Variants in MYH10 observed in about 807,000 individuals in gnomAD.
The protein encoded by MYH10 is myosin-10.
MYH10 carries 55 observed loss-of-function variants against 257.8 expected under a neutral mutation model. The ratio of observed to expected loss-of-function variants is 0.21; its 90% CI spans 0.17 to 0.27. The LOEUF is 0.27. MYH10 is among the 10% of genes least tolerant of loss of function. MYH10 has a pLI of 1.00. For synonymous variants in MYH10, 854 were observed against 921.7 expected (o/e 0.93, Z 1.33); for missense variants, 1,631 against 2,500.6 (o/e 0.65, Z 7.42).
chr17:8,564,895 A>ATATGGT (rs1184257123), intron 7 of MYH10, among the ~76,000 whole-genome samples: 2 of 152,190 alleles, frequency 1.3e-5, no homozygotes, highest in Non-Finnish European at 2.9e-5. Context: ...ATATCCTCAG[A>ATATGGT]TATGGTTTTA....
rs181305208 is a variant in MYH10 at position 8,586,226 on chromosome 17, T to C, written c.530+2855A>G. Among the ~76,000 whole-genome samples, 523 of 152,338 alleles carry C rather than the reference T, an allele frequency of 3.4e-3. 6 individuals are homozygous for C. The highest frequency in any genetic ancestry group is 0.011 in the African/African-American group (458 of 41,568). On this transcript the variant is annotated intron_variant, in intron 4 of 42. Transcript: ENST00000360416. ...CAGGACCCTTTTGTCAGGGAGAGGA[T>C]ATATGCCTTTTATTTCTATAATTCC...
chr17:8,524,444 T>G, intron 17 of MYH10, among the ~76,000 whole-genome samples: 1 of 94,662 alleles, frequency 1.1e-5, no homozygotes, highest in African/African-American at 4.5e-5. Context: ...AGCGAGACTC[T>G]GTCTCAAAAA....
intron 7 of MYH10, among the ~76,000 whole-genome samples, chr17:8,559,106 T>C (rs1329661811): frequency 6.6e-6 from 1 of 152,198 alleles, no homozygotes; most frequent in Admixed American, 6.5e-5. Context: ...ATATATATAA[T>C]TCTTAAGTTT....
chr17:8,577,297 A>C lies in MYH10; in HGVS notation c.572T>G (p.Val191Gly), dbSNP rs1240710504. Residue 191 changes from valine to glycine, a missense_variant, in exon 5 of 43, where the codon GTT becomes GGT. By Grantham distance (109) the Val-to-Gly change is moderately radical. Transcript: ENST00000360416. ...GAGKTENTKK[V>G]IQYLAHVASS... ...AGCAACATGGGCAAGGTACTGAATA[A>C]CTTTCTTTGTATTTTCTGTCTTCCC... 2 of 1,611,848 alleles carry C rather than the reference A, an allele frequency of 1.2e-6. No individual in the cohort carries two copies. The highest frequency in any genetic ancestry group is 1.7e-6 in the Non-Finnish European group (2 of 1,178,540).
At position 8,518,807 on chromosome 17, in the gene MYH10, T is replaced by C. The variant is rs368543193; in HGVS notation, c.2344-16A>G. On this transcript the variant is annotated splice_polypyrimidine_tract_variant and intron_variant, in intron 20 of 42. Coordinates refer to ENST00000360416, the MANE Select transcript of MYH10 (RefSeq NM_001256012.3). Reference sequence around the variant, plus strand: ...AAGCCCGGATCTAAGAGAGAAAGAGTTTATTTACTTTTTTTAACTACAAGA... The same window carrying C: ...AAGCCCGGATCTAAGAGAGAAAGAGCTTATTTACTTTTTTTAACTACAAGA... The C allele has an allele frequency of 1.2e-6, 2 of 1,604,174 alleles. No individual in the cohort carries two copies. The highest frequency in any genetic ancestry group is 4.5e-5 in the East Asian group (2 of 44,818).
chr17:8,570,756 G>A (rs1251789928), intron 6 of MYH10, among the ~76,000 whole-genome samples: 1 of 152,060 alleles, frequency 6.6e-6, no homozygotes, highest in East Asian at 1.9e-4. Context: ...CCTCACATGA[G>A]GCTTTTAAAT....
chr17:8,493,906 GCA>G, intron 31 of MYH10, 21 bp from the exon 32 acceptor site: 2 of 1,586,686 alleles, frequency 1.3e-6, no homozygotes, highest in Non-Finnish European at 1.7e-6. Flanking sequence ...TTTTTAAAGG[GCA>G]ACACTTCCAT....
chr17:8,521,199 G>A lies in MYH10; in HGVS notation c.2044C>T (p.Arg682Cys), dbSNP rs2081644525. 1 of 1,614,080 alleles carries A rather than the reference G, an allele frequency of 6.2e-7. No homozygotes were observed. Among genetic ancestry groups the A allele is most frequent in the African/African-American group, 1.3e-5 (1 of 74,918 alleles). The change falls in exon 18 of 43, where the codon CGT (arginine) becomes TGT (cysteine). Residue 682 changes from arginine (R) to cysteine (C), a missense_variant. Arg to Cys is a radical substitution (Grantham distance 180). This residue lies in a region of MYH10 where 96 missense variants were observed against 146.2 expected (regional missense o/e 0.66). Transcript: ENST00000360416. ...SAYKTKKGMF[R>C]TVGQLYKESL... ...TCTTTGTAGAGTTGCCCAACGGTAC[G>A]AAACATGCCCTTCTTGGTTTTATAT...
chr17:8,480,197 C>A lies in MYH10; in HGVS notation c.5510G>T (p.Gly1837Val). The A allele has an allele frequency of 1.9e-6, 3 of 1,614,142 alleles. No individual in the cohort carries two copies. The highest frequency in any genetic ancestry group is 2.5e-6 in the Non-Finnish European group (3 of 1,180,036). The change falls in exon 40 of 43, where the codon GGT becomes GTT. Residue 1837 changes from glycine (G) to valine (V), a missense_variant. By Grantham distance (109) the Gly-to-Val change is moderately radical. Around this residue, in one of 11 missense-constraint regions of MYH10, gnomAD observed 343 missense variants for 389.5 expected, o/e 0.88. Transcript: ENST00000360416. ...GGCCTTGAACTTAGACTTGACAGCA[C>A]CCTCGAGTTCCTGCAGCTTGGCCTT... ...ELKAKLQELE[G>V]AVKSKFKATI...
intron 30 of MYH10, among the ~76,000 whole-genome samples, chr17:8,496,832 G>C (rs1277822964): frequency 6.6e-6 from 1 of 152,074 alleles, no homozygotes; most frequent in Non-Finnish European, 1.5e-5. Flanking sequence ...GAACAATAAG[G>C]GTGGCTTTTC....
At chr17:8,570,125 T>C (rs1346518282) in intron 6 of MYH10, among the ~76,000 whole-genome samples, 1 of 152,222 alleles carries the variant, frequency 6.6e-6, no homozygotes, top group Non-Finnish European at 1.5e-5. Flanking sequence ...AGACTGGCTT[T>C]CATGAAATGA....
chr17:8,628,527 A>G (rs1342781508), intron 1 of MYH10, among the ~76,000 whole-genome samples: 3 of 152,320 alleles, frequency 2.0e-5, no homozygotes, highest in South Asian at 2.1e-4. Context: ...TCTATAACAG[A>G]TGAGCTAAAA....
intron 30 of MYH10, among the ~76,000 whole-genome samples, chr17:8,495,968 C>T (rs899641901): frequency 2.0e-5 from 3 of 152,146 alleles, no homozygotes; most frequent in African/African-American, 7.2e-5. Flanking sequence ...CCCGGCCTCC[C>T]AAAGTGCTGG....
chr17:8,586,041 A>AC (rs35793941), intron 4 of MYH10, among the ~76,000 whole-genome samples: 1 of 151,876 alleles, frequency 6.6e-6, no homozygotes, highest in Admixed American at 6.6e-5. Flanking sequence ...CTTTAGCAGG[A>AC]CCCCCCAGTA....
At chr17:8,577,361 G>C (rs760472185) in intron 4 of MYH10, 23 bp from the exon 5 acceptor site, 2 of 1,561,992 alleles carry the variant, frequency 1.3e-6, no homozygotes, top group Non-Finnish European at 8.8e-7. Context: ...GTTAATATAG[G>C]CTGCTTTAAC....
chr17:8,553,352 G>A (rs1056964869), intron 8 of MYH10, among the ~76,000 whole-genome samples: 4 of 152,100 alleles, frequency 2.6e-5, no homozygotes, highest in African/African-American at 4.8e-5. Flanking sequence ...TTAAGTACCC[G>A]AAAACTGTCA....
Position 8,513,681 on chromosome 17 carries a change from T to C in MYH10, c.2614-12A>G, listed in dbSNP as rs1567828386. 1 of 1,585,840 alleles carries C rather than the reference T, an allele frequency of 6.3e-7. No individual in the cohort carries two copies. Among genetic ancestry groups the C allele is most frequent in the Non-Finnish European group, 8.5e-7 (1 of 1,172,260 alleles). On this transcript the variant is annotated splice_polypyrimidine_tract_variant and intron_variant, in intron 22 of 42. Transcript: ENST00000360416. ...AGAAGCGGCTTCACCTATGACAAAA[T>C]TAAGCAGTTTTTTTTTTTTTATCAT...
At position 8,590,873 on chromosome 17, in the gene MYH10, C is replaced by CT. The variant is rs398030291; in HGVS notation, c.503-1766dup. Among the ~76,000 whole-genome samples, 65 of 90,092 alleles carry CT rather than the reference C, an allele frequency of 7.2e-4. 6 individuals are homozygous for CT. Among genetic ancestry groups the CT allele is most frequent in the Admixed American group, 2.0e-3 (11 of 5,532 alleles). 59.1% of individuals were successfully genotyped at this position (90,092 alleles called of 152,430 possible). A position where few individuals can be genotyped will look rare whatever the true frequency, so the allele number is the denominator to read the frequency against. On this transcript the variant is annotated intron_variant, in intron 3 of 42. Transcript: ENST00000360416. ...TCTCCCTCAGGTTTCTCAATGTCGCCTTTTTTTTTTTTTTTTTGAGATGGA... is the reference window on the plus strand; with the variant it reads ...TCTCCCTCAGGTTTCTCAATGTCGCCTTTTTTTTTTTTTTTTTTGAGATGGA...
At chr17:8,590,873 C>CTTTTTTTTTTTTTTT (rs398030291) in intron 3 of MYH10, among the ~76,000 whole-genome samples, 3 of 90,100 alleles carry the variant, frequency 3.3e-5, no homozygotes, top group Non-Finnish European at 6.0e-5. Flanking sequence ...TCAATGTCGC[C>CTTTTTTTTTTTTTTT]TTTTTTTTTT....
Sources: gnomAD v4.1 joint callset for allele counts (sites outside exome capture counted in the v4.1 genomes callset) on GRCh38, gnomAD v4.1.1 for gene constraint, gnomAD v4.1.1 regional missense constraint, MANE v1.5 for transcripts, NCBI Gene and HGNC (gene_info 2026-07-23, HGNC 2026-07-21) for gene names.